HCCS: variants seen among roughly 807,000 people sequenced by gnomAD.
HCCS encodes holocytochrome c-type synthase.
HCCS carries 2 observed loss-of-function variants against 24.2 expected under a neutral mutation model. The ratio of observed to expected loss-of-function variants is 0.08; its 90% CI spans 0.03 to 0.26. The LOEUF (loss-of-function observed/expected upper bound fraction) is 0.26, where lower values mean the gene tolerates loss of function less well. Among genes scored for constraint, HCCS ranks in the 10% least tolerant of loss-of-function variants. The probability of loss-of-function intolerance (pLI) is 1.00; values close to 1 mark genes in which losing one functional copy is unlikely to be tolerated. For missense variants in HCCS, 150 were observed against 213.3 expected (o/e 0.70, Z 1.85); for synonymous variants, 73 against 76.2 (o/e 0.96, Z 0.22).
intron 3 of HCCS, chrX:11,116,267 G>A (rs149014097): frequency 0.013 from 1,409 of 111,842 alleles, 14 homozygotes; most frequent in Middle Eastern, 0.023. Context: ...ACAACTCTGT[G>A]CAGCCAGTAT....
chrX:11,118,414 G>T (rs1240076262), intron 4 of HCCS, 87 bp from the exon 5 acceptor site: 6 of 874,309 alleles, frequency 6.9e-6, no homozygotes, highest in Non-Finnish European at 8.5e-6. Flanking sequence ...GGGGAATGTT[G>T]AATAAATCAT....
chrX:11,115,452 G>A (rs748530375), intron 3 of HCCS, among the ~76,000 whole-genome samples: 5 of 111,912 alleles, frequency 4.5e-5, no homozygotes, highest in Admixed American at 1.9e-4. Context: ...TGAGAAGTGA[G>A]GGCAAGGTTG....
rs149314376 is a variant in HCCS at position 11,119,107 on chromosome X, A to C, written c.521+487A>C. Among the ~76,000 whole-genome samples the C allele has an allele frequency of 7.1e-5, 8 of 111,954 alleles. No individual in the cohort carries two copies. The East Asian group carries it at 2.3e-3, about 32-fold the overall frequency. Reference sequence around the variant, plus strand: ...CCCAAAGTGTCAGAAGCCTGCCCAGATTCAAGGGGAGGGGACAGAGACCCT... The same window carrying C: ...CCCAAAGTGTCAGAAGCCTGCCCAGCTTCAAGGGGAGGGGACAGAGACCCT... On this transcript the variant is annotated intron_variant, in intron 5 of 6. Coordinates refer to ENST00000380762, the MANE Select transcript of HCCS (RefSeq NM_005333.5).
intron 6 of HCCS, among the ~76,000 whole-genome samples, chrX:11,121,390 C>G (rs747996255): frequency 8.9e-6 from 1 of 112,348 alleles, no homozygotes; most frequent in South Asian, 3.7e-4. Flanking sequence ...TGGCCTTATT[C>G]CTTTGTAGAC....
chrX:11,117,678 T>A (rs1038650241), intron 4 of HCCS, among the ~76,000 whole-genome samples: 16 of 111,565 alleles, frequency 1.4e-4, no homozygotes, highest in African/African-American at 4.6e-4. Context: ...TGTAGGGAAT[T>A]GACTTACACA....
intron 3 of HCCS, among the ~76,000 whole-genome samples, chrX:11,115,405 T>C (rs953012272): frequency 3.6e-5 from 4 of 112,021 alleles, no homozygotes; most frequent in Admixed American, 1.9e-4. Context: ...ACTAGGGTGG[T>C]TCACTGTCGT....
chrX:11,113,145 A>G (rs180909404), intron 2 of HCCS, among the ~76,000 whole-genome samples: 2 of 112,545 alleles, frequency 1.8e-5, no homozygotes, highest in Non-Finnish European at 3.8e-5. Flanking sequence ...TTTTTATATT[A>G]AAGTGTGGCT....
chrX:11,112,543 C>T (rs1191513311), intron 2 of HCCS, among the ~76,000 whole-genome samples: 2 of 112,218 alleles, frequency 1.8e-5, no homozygotes, highest in Non-Finnish European at 3.8e-5. Flanking sequence ...GGCTGGTAGG[C>T]ATGGGAGTCA....
chrX:11,114,059 A>G (rs1428685200), intron 2 of HCCS, among the ~76,000 whole-genome samples: 1 of 112,701 alleles, frequency 8.9e-6, no homozygotes, highest in Non-Finnish European at 1.9e-5. Context: ...GTCCCTCACT[A>G]ATTGGGATCA....
chrX:11,111,445 C>T lies in HCCS; in HGVS notation c.-116C>T, dbSNP rs954968759. 13 of 147,106 alleles carry T rather than the reference C, an allele frequency of 8.8e-5. No homozygotes were observed. The highest frequency in any genetic ancestry group is 1.4e-4 in the Non-Finnish European group (11 of 76,608). The allele number at this position is 147,106 out of a possible 1,213,427, so 12.1% of individuals were successfully genotyped here. On this transcript the variant is annotated 5_prime_UTR_variant, in exon 1 of 7. Coordinates refer to ENST00000380762, the MANE Select transcript of HCCS (RefSeq NM_005333.5). ...GGCGGTACCGGCCTCCCGGAACAGCCCGGGGGAGGGCTTAGGTGCAGAAGG... is the reference window on the plus strand; with the variant it reads ...GGCGGTACCGGCCTCCCGGAACAGCTCGGGGGAGGGCTTAGGTGCAGAAGG...
chrX:11,116,633 C>T (rs1427116375), intron 3 of HCCS, among the ~76,000 whole-genome samples: 1 of 112,656 alleles, frequency 8.9e-6, no homozygotes, highest in Non-Finnish European at 1.9e-5. Flanking sequence ...CTTAGACCAC[C>T]ATAACTAAAA....
intron 2 of HCCS, among the ~76,000 whole-genome samples, chrX:11,113,071 A>G (rs2045423740): frequency 8.8e-6 from 1 of 113,106 alleles, no homozygotes; most frequent in East Asian, 2.8e-4. Context: ...TCCATTCTTT[A>G]GATAAGAAAA....
rs757478667 is a variant in HCCS, at chrX:11,121,900, A to G, written c.*90A>G. On this transcript the variant is annotated 3_prime_UTR_variant, in exon 7 of 7. Transcript: ENST00000380762. ...CCAGATTGAATTGCACTCATGATGT[A>G]ATGGGAACTTCAAGTGGGTAATCAC... 5.5e-6 allele frequency: 4 copies of G among 733,666 alleles called. No homozygotes were observed. The highest frequency in any genetic ancestry group is 8.3e-6 in the Non-Finnish European group (4 of 480,530). The allele number at this position is 733,666 out of a possible 1,213,427, so 60.5% of individuals were successfully genotyped here.
At chrX:11,119,115 G>A (rs1023746633) in intron 5 of HCCS, among the ~76,000 whole-genome samples, 18 of 111,883 alleles carry the variant, frequency 1.6e-4, no homozygotes, top group Non-Finnish European at 2.8e-4. Flanking sequence ...AGATTCAAGG[G>A]GAGGGGACAG....
At chrX:11,112,197 A>G (rs778034307) in intron 2 of HCCS, 37 bp downstream of exon 2, 18 of 1,062,145 alleles carry the variant, frequency 1.7e-5, no homozygotes, top group Middle Eastern at 2.5e-4. Flanking sequence ...AAAACAAAAG[A>G]TAATTCACGG....
chrX:11,118,863 C>T (rs1359791891), intron 5 of HCCS, among the ~76,000 whole-genome samples: 1 of 111,546 alleles, frequency 9.0e-6, no homozygotes, highest in Non-Finnish European at 1.9e-5. Flanking sequence ...TGTCTCTGGT[C>T]CTTGATGTCT....
In HCCS at chrX:11,122,382, C is replaced by G. The variant is rs1027694619; in HGVS notation, c.*572C>G. Reference sequence around the variant, plus strand: ...CTGGAAAGGTACTCAGCAAAATTCTCTCCAAATTCTGATTTATATGAATTT... The same window carrying G: ...CTGGAAAGGTACTCAGCAAAATTCTGTCCAAATTCTGATTTATATGAATTT... On this transcript the variant is annotated 3_prime_UTR_variant, in exon 7 of 7. Coordinates refer to ENST00000380762, the MANE Select transcript of HCCS (RefSeq NM_005333.5). 1 of 112,796 alleles carries G rather than the reference C, an allele frequency of 8.9e-6. No individual in the cohort carries two copies. The highest frequency in any genetic ancestry group is 1.9e-5 in the Non-Finnish European group (1 of 53,697). The allele number at this position is 112,796 out of a possible 1,213,427, so 9.3% of individuals were successfully genotyped here.
intron 3 of HCCS, among the ~76,000 whole-genome samples, chrX:11,116,935 G>A (rs189886195): frequency 2.7e-5 from 3 of 112,707 alleles, no homozygotes; most frequent in Non-Finnish European, 3.7e-5. Flanking sequence ...AAAGCTTGTC[G>A]TAAAGTTTTT....
intron 6 of HCCS, 54 bp from the exon 7 acceptor site, chrX:11,121,558 G>C: frequency 2.0e-6 from 2 of 1,022,762 alleles, no homozygotes; most frequent in Non-Finnish European, 2.8e-6. Context: ...GGCTTAAACC[G>C]GGACTGAATG....
Sources: allele counts gnomAD v4.1 joint callset (sites outside exome capture counted in the v4.1 genomes callset), GRCh38; gene constraint gnomAD v4.1.1; transcripts MANE v1.5; gene names NCBI Gene and HGNC (gene_info 2026-07-23, HGNC 2026-07-21).